VRK2: variants seen among roughly 807,000 people sequenced by gnomAD.
The protein encoded by VRK2 is serine/threonine-protein kinase VRK2.
VRK2 carries 60 observed loss-of-function variants against 57.6 expected under a neutral mutation model. The ratio of observed to expected loss-of-function variants is 1.04; its 90% CI spans 0.85 to 1.29. The LOEUF is 1.29. Ranked by LOEUF, VRK2 falls within the 50% of genes most tolerant of loss-of-function variation. The pLI, the probability that VRK2 is intolerant of heterozygous loss-of-function variation, is 0.00. For synonymous variants in VRK2, 231 were observed against 199.2 expected (o/e 1.16, Z -1.35); for missense variants, 705 against 588.1 (o/e 1.20, Z -2.06).
intron 1 of VRK2, among the ~76,000 whole-genome samples, chr2:57,992,755 C>G (rs1398141702): frequency 6.6e-6 from 1 of 152,088 alleles, no homozygotes; most frequent in African/African-American, 2.4e-5. Context: ...CCAGGATGGT[C>G]TCGATCTCCT....
intron 1 of VRK2, among the ~76,000 whole-genome samples, chr2:57,972,694 C>T (rs545265627): frequency 1.3e-5 from 2 of 151,726 alleles, no homozygotes; most frequent in Non-Finnish European, 2.9e-5. Flanking sequence ...ATTAAAAAGT[C>T]AAATCTATAA....
At chr2:57,964,343 G>C (rs1671847285) in intron 1 of VRK2, among the ~76,000 whole-genome samples, 1 of 152,092 alleles carries the variant, frequency 6.6e-6, no homozygotes, top group Non-Finnish European at 1.5e-5. Context: ...AGCGAACATG[G>C]ATCATCATAA....
intron 1 of VRK2, among the ~76,000 whole-genome samples, chr2:57,971,180 G>C (rs1401848478): frequency 6.6e-6 from 1 of 151,942 alleles, no homozygotes; most frequent in Non-Finnish European, 1.5e-5. Context: ...TCAGCAAAGG[G>C]AAAAGGTATG....
At chr2:57,954,068 C>G (rs1050949369) in intron 1 of VRK2, among the ~76,000 whole-genome samples, 7 of 152,046 alleles carry the variant, frequency 4.6e-5, no homozygotes, top group African/African-American at 1.4e-4. Flanking sequence ...ACACTGTAGC[C>G]CCTTGGTAAA....
intron 12 of VRK2, among the ~76,000 whole-genome samples, chr2:58,154,089 A>T (rs1683431318): frequency 6.6e-6 from 1 of 152,010 alleles, no homozygotes; most frequent in Non-Finnish European, 1.5e-5. Context: ...TGGTATAATT[A>T]TTCATACTAT....
In VRK2 at chr2:58,154,025, A is replaced by T. The variant is rs189621099; in HGVS notation, c.1183-5324A>T. On this transcript the variant is annotated intron_variant, in intron 12 of 12. Transcript: ENST00000340157. ...ATTTCATCTTGAGTTAGTTTTGGTA[A>T]TTTGTGATTTTTCCAGGAATTGGTC... 1.8e-4 allele frequency among the ~76,000 whole-genome samples: 27 copies of T among 152,204 alleles called. No homozygotes were observed. The East Asian group carries it at 4.8e-3, about 27-fold the overall frequency.
At chr2:57,976,771 G>T (rs1672264066) in intron 1 of VRK2, among the ~76,000 whole-genome samples, 1 of 152,070 alleles carries the variant, frequency 6.6e-6, no homozygotes, top group African/African-American at 2.4e-5. Flanking sequence ...TGCTTTTGGA[G>T]AATTTGTCAT....
At chr2:58,140,361 A>G (rs1014028554) in intron 11 of VRK2, among the ~76,000 whole-genome samples, 1 of 152,004 alleles carries the variant, frequency 6.6e-6, no homozygotes, top group Non-Finnish European at 1.5e-5. Context: ...CCATCTTCCC[A>G]AAGACCAACA....
chr2:58,046,828 G>A lies in VRK2; in HGVS notation c.-46G>A, dbSNP rs1444204642. ...CGCCTCGTCGCAGCGGCAGGTAGGAGGCGGTGCGCGCGGCCCGGCGACGGG... is the reference window on the plus strand; with the variant it reads ...CGCCTCGTCGCAGCGGCAGGTAGGAAGCGGTGCGCGCGGCCCGGCGACGGG... On this transcript the variant is annotated 5_prime_UTR_variant, in exon 1 of 13. Coordinates refer to ENST00000340157, the MANE Select transcript of VRK2 (RefSeq NM_006296.7). 6 of 985,532 alleles carry A rather than the reference G, an allele frequency of 6.1e-6. No homozygotes were observed. Among genetic ancestry groups the A allele is most frequent in the Admixed American group, 6.1e-5 (1 of 16,266 alleles). The allele number at this position is 985,532 out of a possible 1,614,324, so 61.0% of individuals were successfully genotyped here.
At chr2:58,128,857 A>G (rs1043505947) in intron 8 of VRK2, among the ~76,000 whole-genome samples, 1 of 152,252 alleles carries the variant, frequency 6.6e-6, no homozygotes, top group African/African-American at 2.4e-5. Flanking sequence ...GCGGCTCTCC[A>G]TAAATCACAT....
intron 12 of VRK2, among the ~76,000 whole-genome samples, chr2:58,156,072 GC>G (rs1237745297): frequency 6.6e-6 from 1 of 151,874 alleles, no homozygotes; most frequent in East Asian, 1.9e-4. Flanking sequence ...TTTGATAGGT[GC>G]TTTTTGTCCA....
intron 1 of VRK2, among the ~76,000 whole-genome samples, chr2:57,910,550 G>A (rs921534774): frequency 4.6e-5 from 7 of 151,936 alleles, no homozygotes; most frequent in Non-Finnish European, 8.8e-5. Context: ...TTTAATCCCC[G>A]GCTTCTCTAT....
At chr2:57,912,023 C>G (rs988831815) in intron 1 of VRK2, among the ~76,000 whole-genome samples, 1 of 152,132 alleles carries the variant, frequency 6.6e-6, no homozygotes, top group Non-Finnish European at 1.5e-5. Context: ...ACAAATCTTA[C>G]TAGACCCCAT....
chr2:58,154,722 G>T lies in VRK2; in HGVS notation c.1183-4627G>T, dbSNP rs945642179. On this transcript the variant is annotated intron_variant, in intron 12 of 12. Transcript: ENST00000340157. ...TCCTATTATTTCTTTCCTTCATCTTGATCTTGGTGTATTTTCTTCCCTTTT... is the reference window on the plus strand; with the variant it reads ...TCCTATTATTTCTTTCCTTCATCTTTATCTTGGTGTATTTTCTTCCCTTTT... 3.1e-5 allele frequency: 22 copies of T among 716,536 alleles called. No homozygotes were observed. The African/African-American group carries it at 3.7e-4, about 12-fold the overall frequency. The allele number at this position is 716,536 out of a possible 1,614,324, so 44.4% of individuals were successfully genotyped here.
intron 12 of VRK2, among the ~76,000 whole-genome samples, chr2:58,151,782 A>C (rs1216685406): frequency 1.3e-5 from 1 of 76,486 alleles, no homozygotes; most frequent in African/African-American, 4.9e-5. Context: ...GTCACTCTAG[A>C]GCAAGGGGTC....
chr2:58,139,733 C>T lies in VRK2; in HGVS notation c.924C>T (p.Ala308=). The T allele has an allele frequency of 1.2e-6, 2 of 1,613,096 alleles. No individual in the cohort carries two copies. Among genetic ancestry groups the T allele is most frequent in the South Asian group, 1.1e-5 (1 of 91,052 alleles). ...ATGATGAAAAGCCAAACTATCAAGCCCTCAAGAAAATTTTGAACCCTCATG... is the reference window on the plus strand; with the variant it reads ...ATGATGAAAAGCCAAACTATCAAGCTCTCAAGAAAATTTTGAACCCTCATG... The part of the protein sequence containing the change: ...LAYDEKPNYQ[A]LKKILNPHGI... The change falls in exon 11 of 13, where the codon GCC becomes GCT. Residue 308 remains alanine, a synonymous_variant. Transcript: ENST00000340157.
intron 12 of VRK2, among the ~76,000 whole-genome samples, chr2:58,156,122 T>C (rs955363216): frequency 2.0e-4 from 30 of 151,954 alleles, no homozygotes; most frequent in Admixed American, 1.8e-3. Flanking sequence ...GCTTACTCTT[T>C]CTTGTCTATA....
At chr2:57,994,787 C>T (rs991422877) in intron 1 of VRK2, among the ~76,000 whole-genome samples, 1 of 151,796 alleles carries the variant, frequency 6.6e-6, no homozygotes, top group Non-Finnish European at 1.5e-5. Context: ...TTGCAAAAAA[C>T]AATAAACTCA....
intron 1 of VRK2, among the ~76,000 whole-genome samples, chr2:57,980,449 G>A (rs1004504965): frequency 6.6e-6 from 1 of 152,064 alleles, no homozygotes; most frequent in Non-Finnish European, 1.5e-5. Context: ...TTGCTTTATA[G>A]CAGAGCATGT....
Sources: gnomAD v4.1 joint callset for allele counts (sites outside exome capture counted in the v4.1 genomes callset) on GRCh38, gnomAD v4.1.1 for gene constraint, MANE v1.5 for transcripts, NCBI Gene and HGNC (gene_info 2026-07-23, HGNC 2026-07-21) for gene names.